Variants in HINT1 observed in about 807,000 individuals in gnomAD.
The protein encoded by HINT1 is adenosine 5'-monophosphoramidase HINT1.
In HINT1, 12 loss-of-function variants were observed where a neutral mutation model predicts 11.2. The ratio of observed to expected loss-of-function variants is 1.07; its 90% CI spans 0.69 to 1.74. The LOEUF is 1.74. HINT1 is among the 40% of genes most tolerant of loss of function. The pLI, the probability that HINT1 is intolerant of heterozygous loss-of-function variation, is 0.00. For synonymous variants in HINT1, 42 were observed against 52.6 expected, an observed-to-expected ratio of 0.80 and a Z score of 0.87; for missense variants, 150 against 161.8, an observed-to-expected ratio of 0.93 and a Z score of 0.40.
chr5:131,159,857 CTTTT>C (rs1047647597), intron 2 of HINT1, among the ~76,000 whole-genome samples: 1 of 149,390 alleles, frequency 6.7e-6, no homozygotes, highest in Non-Finnish European at 1.5e-5. Flanking sequence ...TTCAATTAAA[CTTTT>C]TTTTTTAAGA....
intron 1 of HINT1, among the ~76,000 whole-genome samples, chr5:131,163,734 T>C (rs1459865087): frequency 6.6e-6 from 1 of 152,244 alleles, no homozygotes; most frequent in African/African-American, 2.4e-5. Flanking sequence ...TGATATTCTT[T>C]AGCATTTAGA....
chr5:131,160,013 G>A (rs781377690), intron 2 of HINT1, among the ~76,000 whole-genome samples: 18 of 151,966 alleles, frequency 1.2e-4, no homozygotes, highest in Non-Finnish European at 2.2e-4. Flanking sequence ...CACCACACCC[G>A]GCTAATTTTT....
chr5:131,162,818 G>A, intron 1 of HINT1, 142 bp from the exon 2 acceptor site: 1 of 598,182 alleles, frequency 1.7e-6, no homozygotes, highest in Non-Finnish European at 2.9e-6. Flanking sequence ...CATTACGAAT[G>A]GTGCCGTGGT....
chr5:131,164,703 G>C (rs1417064154), intron 1 of HINT1, among the ~76,000 whole-genome samples: 3 of 152,196 alleles, frequency 2.0e-5, no homozygotes, highest in African/African-American at 7.2e-5. Flanking sequence ...GGCGCGATCG[G>C]GTTTCTCTCT....
At chr5:131,165,045 G>C (rs903136480) in intron 1 of HINT1, 50 bp downstream of exon 1, 1 of 1,610,742 alleles carries the variant, frequency 6.2e-7, no homozygotes. Context: ...CCGAGGATCC[G>C]CGGACGATAC....
intron 1 of HINT1, among the ~76,000 whole-genome samples, chr5:131,163,531 T>C (rs577944467): frequency 6.6e-6 from 1 of 151,450 alleles, no homozygotes; most frequent in African/African-American, 2.4e-5. Context: ...AACCTCTGAT[T>C]GCCCTCCCCG....
intron 2 of HINT1, chr5:131,160,713 G>A: frequency 8.1e-7 from 1 of 1,232,452 alleles, no homozygotes; most frequent in Non-Finnish European, 1.1e-6. Flanking sequence ...ATTGTAAGTT[G>A]GGGAAATTAT....
At chr5:131,164,921 C>T in intron 1 of HINT1, 174 bp downstream of exon 1, 2 of 818,576 alleles carry the variant, frequency 2.4e-6, no homozygotes, top group African/African-American at 1.8e-5. Flanking sequence ...GCCGGCAGGC[C>T]GCCTCGGAGT....
At chr5:131,163,979 G>A (rs1281868075) in intron 1 of HINT1, among the ~76,000 whole-genome samples, 1 of 152,060 alleles carries the variant, frequency 6.6e-6, no homozygotes, top group Non-Finnish European at 1.5e-5. Context: ...ATTTCTCAAA[G>A]GCAACTGCGA....
chr5:131,159,896 G>A (rs1436881806), intron 2 of HINT1, among the ~76,000 whole-genome samples: 2 of 151,958 alleles, frequency 1.3e-5, no homozygotes, highest in African/African-American at 4.8e-5. Flanking sequence ...CTGTCACTCA[G>A]ACTGGAGTGC....
At chr5:131,162,428 C>G (rs1355508314) in intron 2 of HINT1, 144 bp downstream of exon 2, 3 of 1,526,780 alleles carry the variant, frequency 2.0e-6, no homozygotes, top group African/African-American at 2.8e-5. Flanking sequence ...TGGAAAACAG[C>G]TGGGCAGTTG....
At chr5:131,163,476 C>T (rs1299226881) in intron 1 of HINT1, among the ~76,000 whole-genome samples, 1 of 152,084 alleles carries the variant, frequency 6.6e-6, no homozygotes, top group Non-Finnish European at 1.5e-5. Context: ...ATTCCATTCC[C>T]AGCACATACA....
chr5:131,161,714 A>G (rs958698201), intron 2 of HINT1, among the ~76,000 whole-genome samples: 1 of 152,192 alleles, frequency 6.6e-6, no homozygotes, highest in Non-Finnish European at 1.5e-5. Flanking sequence ...GTACAAATAT[A>G]TTGAATTAAA....
At chr5:131,162,731 A>G (rs1755290809) in intron 1 of HINT1, 55 bp from the exon 2 acceptor site, 2 of 1,189,632 alleles carry the variant, frequency 1.7e-6, no homozygotes, top group East Asian at 4.8e-5. Flanking sequence ...TTGGTAGGAT[A>G]AAACTTATTT....
At position 131,159,485 on chromosome 5, in the gene HINT1, C is replaced by A. The variant is rs1755194010; in HGVS notation, c.343G>T (p.Val115Phe). ...CAATGCATTTGCCGACCTCCAAGAA[C>A]ATGGAGATGAACGTGATAGACAGAC... ...GQSVYHVHLH[V>F]LGGRQMHWPP... The change falls in exon 3 of 3, where the codon GTT (valine) becomes TTT (phenylalanine). Residue 115 changes from valine (V) to phenylalanine (F), a missense_variant. Physicochemically the swap from Val to Phe is conservative, Grantham distance 50 (BLOSUM62 -1). Coordinates refer to ENST00000304043, the MANE Select transcript of HINT1 (RefSeq NM_005340.7). 1.9e-6 allele frequency: 3 copies of A among 1,613,222 alleles called. No individual in the cohort carries two copies. The highest frequency in any genetic ancestry group is 3.7e-4 in the Middle Eastern group (2 of 5,416).
intron 2 of HINT1, among the ~76,000 whole-genome samples, chr5:131,161,923 A>G (rs1057322676): frequency 1.3e-5 from 2 of 152,172 alleles, no homozygotes; most frequent in African/African-American, 4.8e-5. Context: ...CCTACTCAAC[A>G]TGAAGATGAC....
At chr5:131,160,925 G>A (rs1755233113) in intron 2 of HINT1, 13 of 439,856 alleles carry the variant, frequency 3.0e-5, no homozygotes, top group South Asian at 1.3e-4. Context: ...GCTTAAGTTA[G>A]ACTAGGCTAG....
At chr5:131,165,047 G>C (rs1486269872) in intron 1 of HINT1, 48 bp downstream of exon 1, 3 of 1,611,036 alleles carry the variant, frequency 1.9e-6, no homozygotes, top group East Asian at 2.2e-5. Context: ...GAGGATCCGC[G>C]GACGATACCC....
chr5:131,160,163 CTTAA>C (rs1047824886), intron 2 of HINT1, among the ~76,000 whole-genome samples: 41 of 150,980 alleles, frequency 2.7e-4, no homozygotes, highest in African/African-American at 9.9e-4. Flanking sequence ...AAAAAAAAAA[CTTAA>C]TTATATTCCA....
Sources: allele counts gnomAD v4.1 joint callset (sites outside exome capture counted in the v4.1 genomes callset), GRCh38; gene constraint gnomAD v4.1.1; transcripts MANE v1.5; gene names NCBI Gene and HGNC (gene_info 2026-07-23, HGNC 2026-07-21).